IFI16: variants seen among roughly 807,000 people sequenced by gnomAD.
The protein encoded by IFI16 is interferon gamma inducible protein 16, also known as gamma-interferon-inducible protein 16.
In IFI16, 49 loss-of-function variants were observed where a neutral mutation model predicts 68.4. That is an observed-to-expected ratio of 0.72 (90% CI 0.57 to 0.91). IFI16 has a LOEUF of 0.91. Among genes scored for constraint, IFI16 ranks in the 40% least tolerant of loss-of-function variants. The pLI, the probability that IFI16 is intolerant of heterozygous loss-of-function variation, is 0.00. For synonymous variants in IFI16, 307 were observed against 315.0 expected (o/e 0.97, Z 0.27); for missense variants, 878 against 942.9 (o/e 0.93, Z 0.90).
chr1:159,009,907 A>G lies in IFI16; in HGVS notation c.-275A>G, dbSNP rs1262059663. On this transcript the variant is annotated 5_prime_UTR_variant, in exon 1 of 12. Transcript: ENST00000295809. ...GAGTCTCCACATTGTTTCCTACTCC[A>G]TTTTCTCTGGGGCAATAGCAGAATA... 1 of 152,032 alleles carries G rather than the reference A, an allele frequency of 6.6e-6. No individual in the cohort carries two copies. Among genetic ancestry groups the G allele is most frequent in the African/African-American group, 2.4e-5 (1 of 41,376 alleles). The allele number at this position is 152,032 out of a possible 1,614,324, so 9.4% of individuals were successfully genotyped here. A position where few individuals can be genotyped will look rare whatever the true frequency, so the allele number is the denominator to read the frequency against.
chr1:159,011,602 T>C (rs1256953661), intron 1 of IFI16, among the ~76,000 whole-genome samples: 2 of 151,846 alleles, frequency 1.3e-5, no homozygotes, highest in African/African-American at 2.4e-5. Flanking sequence ...TAATAAATAA[T>C]ATCATTAGAT....
chr1:159,044,619 A>G (rs564391600), intron 7 of IFI16, among the ~76,000 whole-genome samples: 1 of 152,322 alleles, frequency 6.6e-6, no homozygotes, highest in South Asian at 2.1e-4. Context: ...TGGTTTAATT[A>G]AAAGTAGTCA....
chr1:159,033,117 G>A (rs1772414), intron 7 of IFI16, among the ~76,000 whole-genome samples: 116,244 of 151,914 alleles, frequency 0.77, 45,198 homozygotes, highest in Admixed American at 0.86. Flanking sequence ...GACACATGGT[G>A]TTTTCTTGAT....
chr1:159,042,466 CAG>C (rs1233335040), intron 7 of IFI16, among the ~76,000 whole-genome samples: 1 of 152,152 alleles, frequency 6.6e-6, no homozygotes, highest in East Asian at 1.9e-4. Context: ...CACCATACAT[CAG>C]AGTTCAGTTT....
chr1:159,043,498 C>T (rs1654790945), intron 7 of IFI16, among the ~76,000 whole-genome samples: 1 of 152,202 alleles, frequency 6.6e-6, no homozygotes, highest in Non-Finnish European at 1.5e-5. Context: ...CTCTGGGATC[C>T]AGCCATCTTC....
In IFI16 at chr1:159,015,974, C is replaced by G; in HGVS notation, c.368C>G (p.Thr123Ser). 1 of 1,612,670 alleles carries G rather than the reference C, an allele frequency of 6.2e-7. No individual in the cohort carries two copies. The highest frequency in any genetic ancestry group is 8.5e-7 in the Non-Finnish European group (1 of 1,178,678). ...STVKTEGAEA[T>S]PGAQKRKKST... is the part of the protein sequence containing the mutation. ...GTCAAAACTGAAGGAGCAGAGGCAA[C>G]TCCTGGAGCTCAGGTAAGCTTCAGG... Residue 123 changes from threonine (T) to serine (S), a missense_variant, in exon 3 of 12, where the codon ACT becomes AGT. Thr to Ser is a moderately conservative substitution (Grantham distance 58). This residue lies in a region of IFI16 where 443 missense variants were observed against 421.8 expected (regional missense o/e 1.05). Transcript: ENST00000295809.
chr1:159,002,843 T>G (rs920854069), upstream of IFI16, among the ~76,000 whole-genome samples: 1 of 152,198 alleles, frequency 6.6e-6, no homozygotes, highest in Non-Finnish European at 1.5e-5. Context: ...CTCTACTTCC[T>G]AGGCTCTATT....
At chr1:159,041,734 TC>T (rs1482325271) in intron 7 of IFI16, among the ~76,000 whole-genome samples, 10 of 152,272 alleles carry the variant, frequency 6.6e-5, no homozygotes, top group African/African-American at 2.4e-4. Context: ...ATAATCCTGG[TC>T]CTGTGTAGGC....
chr1:159,005,709 A>C (rs1274190847), upstream of IFI16, among the ~76,000 whole-genome samples: 2 of 152,186 alleles, frequency 1.3e-5, no homozygotes, highest in East Asian at 3.8e-4. Context: ...GTGTTCTGGG[A>C]ACTGAGCTTA....
intron 7 of IFI16, among the ~76,000 whole-genome samples, chr1:159,044,826 A>C (rs2999937): frequency 5.3e-5 from 8 of 152,284 alleles, no homozygotes; most frequent in Non-Finnish European, 7.4e-5. Flanking sequence ...GAATCTTCTT[A>C]TTATGGCTAT....
chr1:159,053,713 A>G lies in IFI16; in HGVS notation c.2266A>G (p.Ser756Gly). 1 of 1,613,040 alleles carries G rather than the reference A, an allele frequency of 6.2e-7. No homozygotes were observed. Reference sequence around the variant, plus strand: ...CGGGGAGTTGAGATCTGTAATTCATAGTCACATCAAGGTTGGAACTTTATA... The same window carrying G: ...CGGGGAGTTGAGATCTGTAATTCATGGTCACATCAAGGTTGGAACTTTATA... The part of the protein sequence containing the change: ...NTGELRSVIH[S>G]HIKVIKTRKN... Residue 756 changes from serine (S) to glycine (G), a missense_variant, in exon 11 of 12, where the codon AGT becomes GGT. Coordinates refer to ENST00000295809, the MANE Select transcript of IFI16 (RefSeq NM_001376587.1).
intron 6 of IFI16, among the ~76,000 whole-genome samples, chr1:159,030,881 G>GGA (rs201159461): frequency 1.4e-5 from 2 of 147,182 alleles, no homozygotes; most frequent in Admixed American, 6.8e-5. Flanking sequence ...GTGGGTGGGG[G>GGA]GGCCACAGAG....
intron 1 of IFI16, among the ~76,000 whole-genome samples, 165 bp from the exon 2 acceptor site, chr1:159,014,496 G>A (rs997422493): frequency 3.9e-5 from 6 of 152,162 alleles, no homozygotes; most frequent in African/African-American, 7.2e-5. Flanking sequence ...TAACCCAGCA[G>A]TTCTTCACTC....
Position 159,054,920 on chromosome 1 carries a change from G to T in IFI16, c.*19G>T. ...CTTCTAAAATCTGGATGTCATTGACGATAATGTTTATGGAGATAAGGTCTA... is the reference window on the plus strand; with the variant it reads ...CTTCTAAAATCTGGATGTCATTGACTATAATGTTTATGGAGATAAGGTCTA... On this transcript the variant is annotated 3_prime_UTR_variant, in exon 12 of 12. Coordinates refer to ENST00000295809, the MANE Select transcript of IFI16 (RefSeq NM_001376587.1). 6.9e-7 allele frequency: 1 copy of T among 1,442,448 alleles called. No homozygotes were observed. Among genetic ancestry groups the T allele is most frequent in the Non-Finnish European group, 9.7e-7 (1 of 1,029,252 alleles). 89.4% of individuals were successfully genotyped at this position (1,442,448 alleles called of 1,614,324 possible).
rs568714248 is a variant in IFI16 at position 159,040,274 on chromosome 1, A to G, written c.1330-5023A>G. On this transcript the variant is annotated intron_variant, in intron 7 of 11. Transcript: ENST00000295809. Reference sequence around the variant, plus strand: ...TTAAATAGTATAATAACATTTTTGTAAGCTCTGAAACTAATAAAACTAAAT... The same window carrying G: ...TTAAATAGTATAATAACATTTTTGTGAGCTCTGAAACTAATAAAACTAAAT... Among the ~76,000 whole-genome samples, 4 of 152,340 alleles carry G rather than the reference A, an allele frequency of 2.6e-5. No homozygotes were observed. In the South Asian group the frequency reaches 6.2e-4, roughly 24 times the overall value.
At chr1:159,051,513 G>A (rs987842071) in intron 9 of IFI16, among the ~76,000 whole-genome samples, 166 bp from the exon 10 acceptor site, 6 of 151,898 alleles carry the variant, frequency 4.0e-5, no homozygotes, top group Admixed American at 1.3e-4. Flanking sequence ...CATTTCTTCC[G>A]TTACCTAAAT....
intron 8 of IFI16, 57 bp downstream of exon 8, chr1:159,045,521 A>C: frequency 1.3e-6 from 2 of 1,591,968 alleles, no homozygotes; most frequent in Non-Finnish European, 1.7e-6. Flanking sequence ...GACAAGGATT[A>C]ACACAACCTT....
intron 5 of IFI16, among the ~76,000 whole-genome samples, chr1:159,019,773 TA>T (rs1255673929): frequency 6.6e-6 from 1 of 152,156 alleles, no homozygotes; most frequent in Non-Finnish European, 1.5e-5. Flanking sequence ...TACACACTCT[TA>T]AAGAGATGAT....
At chr1:159,032,141 T>G (rs1654036997) in intron 6 of IFI16, among the ~76,000 whole-genome samples, 1 of 152,188 alleles carries the variant, frequency 6.6e-6, no homozygotes, top group Non-Finnish European at 1.5e-5. Context: ...AAATGTCACA[T>G]GCAAATGTTA....
Sources: gnomAD v4.1 joint callset for allele counts (sites outside exome capture counted in the v4.1 genomes callset) on GRCh38, gnomAD v4.1.1 for gene constraint, gnomAD v4.1.1 regional missense constraint, MANE v1.5 for transcripts, NCBI Gene and HGNC (gene_info 2026-07-23, HGNC 2026-07-21) for gene names.